Variants in ELOVL2 observed in about 807,000 individuals in gnomAD.
ELOVL2 encodes the protein ELOVL fatty acid elongase 2.
In ELOVL2, 38 loss-of-function variants were observed where a neutral mutation model predicts 37.7. The ratio of observed to expected loss-of-function variants is 1.01; its 90% CI spans 0.78 to 1.32. The LOEUF is 1.32. Among genes scored for constraint, ELOVL2 ranks in the 40% most tolerant of loss-of-function variants. The pLI, the probability that ELOVL2 is intolerant of heterozygous loss-of-function variation, is 0.00. For missense variants in ELOVL2, 352 were observed against 363.6 expected (o/e 0.97, Z 0.26); for synonymous variants, 115 against 122.3 (o/e 0.94, Z 0.40).
In ELOVL2 at chr6:11,025,088, A is replaced by ACGG. The variant is rs554906834; in HGVS notation, c.4-14282_4-14280dup. Among the ~76,000 whole-genome samples, 28 of 152,294 alleles carry ACGG rather than the reference A, an allele frequency of 1.8e-4. No individual in the cohort carries two copies. In the East Asian group the frequency reaches 4.4e-3, roughly 24 times the overall value. On this transcript the variant is annotated intron_variant, in intron 1 of 7. Transcript: ENST00000354666. ...ACAAAGCAATGTTTTTGTAGGGGCA[A>ACGG]CGGCGTAATCTCATAAATTCTAGCA... is the stretch of plus-strand genomic sequence containing the variant.
At chr6:10,999,558 T>G (rs1782338593) in intron 4 of ELOVL2, among the ~76,000 whole-genome samples, 1 of 152,058 alleles carries the variant, frequency 6.6e-6, no homozygotes, top group Admixed American at 6.5e-5. Context: ...GTATTTTTAG[T>G]AGAGACGGGG....
At chr6:11,036,756 C>G (rs1783011484) in intron 1 of ELOVL2, among the ~76,000 whole-genome samples, 1 of 152,132 alleles carries the variant, frequency 6.6e-6, no homozygotes, top group Admixed American at 6.6e-5. Flanking sequence ...TCCTGTTTGT[C>G]CCAGCATGCC....
chr6:10,993,431 T>C (rs1782200815), intron 5 of ELOVL2, among the ~76,000 whole-genome samples: 1 of 151,850 alleles, frequency 6.6e-6, no homozygotes, highest in African/African-American at 2.4e-5. Context: ...ATATACATTA[T>C]CCAATTAACA....
In ELOVL2 at chr6:10,989,889, A is replaced by G; in HGVS notation, c.631-52T>C. The G allele has an allele frequency of 2.5e-6, 4 of 1,608,150 alleles. No individual in the cohort carries two copies. In the South Asian group the frequency reaches 4.4e-5, roughly 18 times the overall value. ...GTGAGCGAGCCAGGCTGTGCCACAC[A>G]GACACTGCGGCCAAGCTTGATCAAT... On this transcript the variant is annotated intron_variant, in intron 6 of 7. Transcript: ENST00000354666.
chr6:11,019,734 TTTGTTG>T (rs776460444), intron 1 of ELOVL2, among the ~76,000 whole-genome samples: 7 of 149,826 alleles, frequency 4.7e-5, no homozygotes, highest in East Asian at 3.9e-4. Context: ...TAGTTTAGTT[TTTGTTG>T]TTGTTGTTGT....
rs1252438849 is a variant in ELOVL2 at position 10,982,494 on chromosome 6, AT to A, written c.*1286del. ...AGGGTATAAATTAATCTTCAAAAAA[AT>A]CTTCAGAAAATATTCTTTGTTTCCA... On this transcript the variant is annotated 3_prime_UTR_variant, in exon 8 of 8. Coordinates refer to ENST00000354666, the MANE Select transcript of ELOVL2 (RefSeq NM_017770.4). 1 of 152,342 alleles carries A rather than the reference AT, an allele frequency of 6.6e-6. No individual in the cohort carries two copies. Among genetic ancestry groups the A allele is most frequent in the South Asian group, 2.1e-4 (1 of 4,830 alleles). The allele number at this position is 152,342 out of a possible 1,614,324, so 9.4% of individuals were successfully genotyped here. A position where few individuals can be genotyped will look rare whatever the true frequency, so the allele number is the denominator to read the frequency against.
chr6:11,042,047 T>C (rs938488377), intron 1 of ELOVL2, among the ~76,000 whole-genome samples: 7 of 151,454 alleles, frequency 4.6e-5, no homozygotes, highest in African/African-American at 1.7e-4. Flanking sequence ...TGGTGGCTCA[T>C]GCCTTGTAAT....
At chr6:10,991,975 T>C (rs1782168188) in intron 5 of ELOVL2, among the ~76,000 whole-genome samples, 1 of 152,222 alleles carries the variant, frequency 6.6e-6, no homozygotes, top group South Asian at 2.1e-4. Context: ...ATTGTCACAG[T>C]ATTTACAGGA....
intron 1 of ELOVL2, among the ~76,000 whole-genome samples, chr6:11,027,364 T>C (rs760869010): frequency 3.3e-5 from 5 of 152,100 alleles, no homozygotes; most frequent in Admixed American, 6.6e-5. Context: ...GCTTATTGGC[T>C]CTCGTCATAT....
chr6:11,005,329 C>T (rs1404779879), intron 3 of ELOVL2, 43 bp downstream of exon 3: 1 of 1,552,690 alleles, frequency 6.4e-7, no homozygotes, highest in Non-Finnish European at 8.8e-7. Flanking sequence ...TTAATAAAAA[C>T]TGCTAGTTAC....
intron 3 of ELOVL2, among the ~76,000 whole-genome samples, chr6:11,003,371 T>A (rs1376967541): frequency 1.3e-5 from 2 of 152,168 alleles, no homozygotes; most frequent in African/African-American, 4.8e-5. Context: ...GTTCTCATTG[T>A]TCAACTCCCA....
At chr6:11,028,476 T>C (rs1480168920) in intron 1 of ELOVL2, among the ~76,000 whole-genome samples, 1 of 152,182 alleles carries the variant, frequency 6.6e-6, no homozygotes, top group East Asian at 1.9e-4. Context: ...GGATATTGCC[T>C]CCAAGTGGAA....
intron 1 of ELOVL2, among the ~76,000 whole-genome samples, chr6:11,015,007 C>G (rs1037015443): frequency 2.0e-5 from 3 of 152,046 alleles, no homozygotes; most frequent in Non-Finnish European, 4.4e-5. Flanking sequence ...TTGTGTATAG[C>G]CATATAGTAA....
intron 1 of ELOVL2, among the ~76,000 whole-genome samples, chr6:11,031,652 C>T (rs1392096059): frequency 1.3e-5 from 2 of 152,120 alleles, no homozygotes; most frequent in Non-Finnish European, 2.9e-5. Context: ...AAGAAAAAAT[C>T]TGTATGGTGT....
intron 3 of ELOVL2, among the ~76,000 whole-genome samples, chr6:11,004,275 G>A (rs1292109336): frequency 6.6e-6 from 1 of 152,012 alleles, no homozygotes; most frequent in Non-Finnish European, 1.5e-5. Context: ...TTTAAGGCAA[G>A]GATTTGTTTT....
Position 11,044,244 on chromosome 6 carries a change from T to C in ELOVL2, c.-14A>G, listed in dbSNP as rs751127560. The C allele has an allele frequency of 1.5e-6, 2 of 1,350,464 alleles. No homozygotes were observed. Among genetic ancestry groups the C allele is most frequent in the South Asian group, 3.9e-5 (2 of 51,128 alleles). 83.7% of individuals were successfully genotyped at this position (1,350,464 alleles called of 1,614,324 possible). A position where few individuals can be genotyped will look rare whatever the true frequency, so the allele number is the denominator to read the frequency against. On this transcript the variant is annotated 5_prime_UTR_variant, in exon 1 of 8. Transcript: ENST00000354666. This position sits in a 1 kb window ranked among gnomAD's most constrained non-coding sequence, Gnocchi z 5.6. ...CCCACTCACCATGATCCGCAGCGGC[T>C]GTGGCGCGGCGACCCGGGCGGGCGG...
chr6:10,991,549 G>A (rs192025658), intron 5 of ELOVL2, among the ~76,000 whole-genome samples: 16 of 152,268 alleles, frequency 1.1e-4, no homozygotes, highest in African/African-American at 3.8e-4. Context: ...CACATATGCT[G>A]GCTAATAAAT....
At chr6:11,031,636 T>G (rs1424260824) in intron 1 of ELOVL2, among the ~76,000 whole-genome samples, 1 of 152,182 alleles carries the variant, frequency 6.6e-6, no homozygotes, top group Non-Finnish European at 1.5e-5. Flanking sequence ...CTTCTCCTCC[T>G]TTAAAAAGAA....
rs542797961 is a variant in ELOVL2, at chr6:11,040,088, T to C, written c.3+4140A>G. Among the ~76,000 whole-genome samples the C allele has an allele frequency of 1.4e-4, 22 of 152,126 alleles. 1 individual carries two copies. The South Asian group carries it at 4.4e-3, about 30-fold the overall frequency. The stretch of plus-strand genomic sequence containing the variant: ...TTTGAAATATTTTCAAGTAAAAATA[T>C]GAGAATATTAGACAACAAACAATAT... On this transcript the variant is annotated intron_variant, in intron 1 of 7. Coordinates refer to ENST00000354666, the MANE Select transcript of ELOVL2 (RefSeq NM_017770.4).
Sources: gnomAD v4.1 joint callset for allele counts (sites outside exome capture counted in the v4.1 genomes callset) on GRCh38, gnomAD v4.1.1 for gene constraint, Gnocchi (gnomAD v3.1) non-coding constraint, MANE v1.5 for transcripts, NCBI Gene and HGNC (gene_info 2026-07-23, HGNC 2026-07-21) for gene names.